Variants in PTK2 observed in about 807,000 individuals in gnomAD.
PTK2 encodes the protein protein tyrosine kinase 2, also known as focal adhesion kinase 1.
PTK2 carries 45 observed loss-of-function variants against 150.1 expected under a neutral mutation model. That is an observed-to-expected ratio of 0.30 (90% CI 0.24 to 0.38). The LOEUF is 0.38. PTK2 is among the 10% of genes least tolerant of loss of function. The pLI, the probability that PTK2 is intolerant of heterozygous loss-of-function variation, is 1.00. For synonymous variants in PTK2, 432 were observed against 449.2 expected (o/e 0.96, Z 0.48); for missense variants, 919 against 1,307.3 (o/e 0.70, Z 4.58).
chr8:140,885,509 A>G (rs1158574320), intron 3 of PTK2, among the ~76,000 whole-genome samples: 1 of 152,220 alleles, frequency 6.6e-6, no homozygotes, highest in African/African-American at 2.4e-5. Flanking sequence ...GACGATGTCA[A>G]TAATAATGAT....
intron 3 of PTK2, among the ~76,000 whole-genome samples, chr8:140,886,568 C>T (rs543888848): frequency 6.6e-6 from 1 of 152,330 alleles, no homozygotes; most frequent in South Asian, 2.1e-4. Context: ...CAATGGACCA[C>T]TGTCTCTTGC....
chr8:140,662,622 T>C (rs1156914849), intron 31 of PTK2: 1 of 504,452 alleles, frequency 2.0e-6, no homozygotes, highest in East Asian at 3.0e-5. Flanking sequence ...TTAAAGGGTT[T>C]ATGCATATGA....
chr8:140,864,901 G>A (rs150557140), intron 4 of PTK2, among the ~76,000 whole-genome samples: 8 of 152,224 alleles, frequency 5.3e-5, no homozygotes. Context: ...ATGTCTTCTG[G>A]TAAACGTATG....
intron 1 of PTK2, among the ~76,000 whole-genome samples, chr8:140,953,233 G>A (rs560548703): frequency 1.6e-4 from 25 of 152,184 alleles, no homozygotes; most frequent in African/African-American, 5.1e-4. Flanking sequence ...AGTACTTGGC[G>A]CTATATATAC....
rs2100013000 is a variant in PTK2, at chr8:140,675,321, G to A, written c.2602+139C>T. The A allele has an allele frequency of 3.4e-6, 3 of 880,170 alleles. No individual in the cohort carries two copies. The South Asian group carries it at 4.7e-5, about 14-fold the overall frequency. 54.5% of individuals were successfully genotyped at this position (880,170 alleles called of 1,614,324 possible). The stretch of plus-strand genomic sequence containing the variant: ...ATACTCTAGTAATGAGCTGAATGTG[G>A]TAAACATCGTACTTGCTGTGGTCTG... On this transcript the variant is annotated intron_variant, in intron 28 of 31. Coordinates refer to ENST00000522684, the Ensembl canonical transcript of PTK2.
Position 140,794,383 on chromosome 8 carries a change from C to G in PTK2, c.1094-999G>C, listed in dbSNP as rs143144522. On this transcript the variant is annotated intron_variant, in intron 12 of 31. Coordinates refer to ENST00000522684, the Ensembl canonical transcript of PTK2. ...GAGGAGGCACCCATCTACCACTCAC[C>G]ACTCTGGTGCCCTTCTAGGCAGCTC... Among the ~76,000 whole-genome samples the G allele has an allele frequency of 1.8e-3, 274 of 152,288 alleles. 1 individual carries two copies. The highest frequency in any genetic ancestry group is 6.1e-3 in the African/African-American group (254 of 41,550).
chr8:140,905,351 CA>C (rs35398296), intron 2 of PTK2, among the ~76,000 whole-genome samples: 63,153 of 146,792 alleles, frequency 0.43, 15,045 homozygotes, highest in Non-Finnish European at 0.55. Context: ...ACATGGAAAG[CA>C]AAAAAAAAAG....
At chr8:140,860,867 C>G (rs1199610392) in intron 5 of PTK2, among the ~76,000 whole-genome samples, 1 of 152,160 alleles carries the variant, frequency 6.6e-6, no homozygotes, top group African/African-American at 2.4e-5. Context: ...GCCTGAAATA[C>G]TAGCACGGAA....
chr8:140,731,415 T>G (rs1031947824), intron 22 of PTK2, among the ~76,000 whole-genome samples: 6 of 152,218 alleles, frequency 3.9e-5, no homozygotes, highest in Admixed American at 3.9e-4. Context: ...AATAGGCCAC[T>G]GGCAGGTTAA....
exon 21 of PTK2, chr8:140,739,059 T>C: frequency 1.3e-6 from 2 of 1,580,152 alleles, no homozygotes; most frequent in Non-Finnish European, 1.7e-6. Context: ...ACGTCGAAAA[T>C]TGATTGACTC....
At chr8:140,730,953 A>ACC (rs10713091) in intron 22 of PTK2, among the ~76,000 whole-genome samples, 1,723 of 96,508 alleles carry the variant, frequency 0.018, 24 homozygotes, top group Non-Finnish European at 0.022. Flanking sequence ...ATTAAATTAA[A>ACC]CCCCCCCCCC....
At position 140,744,578 on chromosome 8, in the gene PTK2, G is replaced by A. The variant is rs74929186; in HGVS notation, c.1634+74C>T. 1,022 of 908,202 alleles carry A rather than the reference G, an allele frequency of 1.1e-3. 4 individuals are homozygous for A. The highest frequency in any genetic ancestry group is 9.5e-3 in the Admixed American group (389 of 41,008). 56.3% of individuals were successfully genotyped at this position (908,202 alleles called of 1,614,324 possible). A position where few individuals can be genotyped will look rare whatever the true frequency, so the allele number is the denominator to read the frequency against. On this transcript the variant is annotated intron_variant, in intron 19 of 31. Coordinates refer to ENST00000522684, the Ensembl canonical transcript of PTK2. ...CCTGGATCCAAAAGGGTCCAAAGAC[G>A]GTCCAAATGGGTCCCTGTTTCTTGA...
Position 140,920,743 on chromosome 8 carries a change from C to T in PTK2, c.-33+4918G>A, listed in dbSNP as rs532976767. On this transcript the variant is annotated intron_variant, in intron 2 of 31. Coordinates refer to ENST00000522684, the Ensembl canonical transcript of PTK2. ...ATATATTGAAATAAATTCTGAAAAA[C>T]ATTTATCTACCTTTTCGGTGCAAAA... 6 of 1,269,882 alleles carry T rather than the reference C, an allele frequency of 4.7e-6. No homozygotes were observed. The Admixed American group carries it at 2.3e-4, about 48-fold the overall frequency. 78.7% of individuals were successfully genotyped at this position (1,269,882 alleles called of 1,614,324 possible). A position where few individuals can be genotyped will look rare whatever the true frequency, so the allele number is the denominator to read the frequency against.
At chr8:140,804,459 G>A (rs1281478001) in intron 10 of PTK2, among the ~76,000 whole-genome samples, 1 of 151,756 alleles carries the variant, frequency 6.6e-6, no homozygotes, top group African/African-American at 2.4e-5. Context: ...ATGGTGGTCT[G>A]TGCCTGTAGA....
At chr8:140,820,320 T>TG (rs1229929771) in intron 8 of PTK2, among the ~76,000 whole-genome samples, 1 of 151,372 alleles carries the variant, frequency 6.6e-6, no homozygotes, top group Non-Finnish European at 1.5e-5. Flanking sequence ...AGGCTGGTCT[T>TG]GAACTCCTGA....
At chr8:140,737,842 G>A (rs1488973812) in intron 21 of PTK2, among the ~76,000 whole-genome samples, 1 of 152,136 alleles carries the variant, frequency 6.6e-6, no homozygotes, top group African/African-American at 2.4e-5. Flanking sequence ...CTTGCTCTGT[G>A]GATCACACAG....
chr8:140,873,802 C>T (rs2100143975), intron 4 of PTK2, among the ~76,000 whole-genome samples: 1 of 152,180 alleles, frequency 6.6e-6, no homozygotes, highest in South Asian at 2.1e-4. Flanking sequence ...TTACCACCAC[C>T]CTTTGTTGAC....
intron 29 of PTK2, among the ~76,000 whole-genome samples, chr8:140,670,488 A>ACACACACAC (rs751260741): frequency 2.6e-5 from 1 of 38,944 alleles, no homozygotes; most frequent in African/African-American, 7.6e-5. Context: ...AAAAAACAAC[A>ACACACACAC]ACACACACAC....
rs61733047 is a variant in PTK2 at position 140,668,316 on chromosome 8, T to C, written c.2818A>G (p.Ser940Gly). The C allele has an allele frequency of 3.9e-4, 636 of 1,614,182 alleles. 1 individual carries two copies. Among genetic ancestry groups the C allele is most frequent in the Admixed American group, 1.7e-3 (100 of 60,016 alleles). ...TCTGGTGGGGCTGGCTGGATTTTACTGGACATCTCGATGACAGCTTTCACC... is the reference window on the plus strand; with the variant it reads ...TCTGGTGGGGCTGGCTGGATTTTACCGGACATCTCGATGACAGCTTTCACC... The change falls in exon 30 of 32, where the codon AGT becomes GGT. Residue 940 changes from serine (S) to glycine (G), a missense_variant. Around this residue, in one of 3 missense-constraint regions of PTK2, gnomAD observed 106 missense variants for 161.8 expected, o/e 0.66. Coordinates refer to ENST00000522684, the Ensembl canonical transcript of PTK2.
Sources: gnomAD v4.1 joint callset for allele counts (sites outside exome capture counted in the v4.1 genomes callset) on GRCh38, gnomAD v4.1.1 for gene constraint, gnomAD v4.1.1 regional missense constraint, MANE v1.5 for transcripts, NCBI Gene and HGNC (gene_info 2026-07-23, HGNC 2026-07-21) for gene names.